The following SPHKAP variants were observed in gnomAD, a reference collection of about 807,000 sequenced individuals.
SPHKAP encodes the protein A-kinase anchor protein SPHKAP.
A neutral mutation model predicts 137.5 loss-of-function variants in SPHKAP; 67 were observed. The observed-to-expected ratio is 0.49, with a 90% CI of 0.40 to 0.60. The LOEUF is 0.60. SPHKAP is among the 20% of genes least tolerant of loss of function. The probability of loss-of-function intolerance (pLI) is 0.00; values close to 1 mark genes in which losing one functional copy is unlikely to be tolerated. For synonymous variants in SPHKAP, 813 were observed against 785.3 expected, an observed-to-expected ratio of 1.04 and a Z score of -0.59; for missense variants, 2,097 against 2,069.3, an observed-to-expected ratio of 1.01 and a Z score of -0.26.
chr2:228,160,846 A>G (rs530070289), intron 1 of SPHKAP, among the ~76,000 whole-genome samples: 2 of 152,320 alleles, frequency 1.3e-5, no homozygotes, highest in South Asian at 2.1e-4. Flanking sequence ...GGCCTTCCAA[A>G]TAAGATATTA....
chr2:228,051,706 A>G (rs150636312), intron 3 of SPHKAP, among the ~76,000 whole-genome samples: 3 of 152,342 alleles, frequency 2.0e-5, no homozygotes, highest in South Asian at 4.1e-4. Flanking sequence ...GCTATAACAC[A>G]ATACCTTACA....
intron 3 of SPHKAP, among the ~76,000 whole-genome samples, chr2:228,030,533 C>CAAAAAAAAAAAAAAAAAAAAAAA (rs1559356982): frequency 2.2e-5 from 1 of 45,640 alleles, no homozygotes; most frequent in African/African-American, 1.0e-4. Flanking sequence ...AAAAAAAAAA[C>CAAAAAAAAAAAAAAAAAAAAAAA]AACAAAAAAC....
intron 3 of SPHKAP, among the ~76,000 whole-genome samples, chr2:228,037,887 T>C (rs1483919147): frequency 6.6e-6 from 1 of 152,178 alleles, no homozygotes; most frequent in Non-Finnish European, 1.5e-5. Flanking sequence ...AAATAGACAA[T>C]GTGACTGGAT....
chr2:228,056,481 C>T (rs1696447863), intron 3 of SPHKAP, among the ~76,000 whole-genome samples: 1 of 152,084 alleles, frequency 6.6e-6, no homozygotes, highest in East Asian at 1.9e-4. Flanking sequence ...TACCTGCTTT[C>T]CCTAGGCACT....
At chr2:228,152,879 C>T (rs1193841014) in intron 1 of SPHKAP, among the ~76,000 whole-genome samples, 1 of 152,184 alleles carries the variant, frequency 6.6e-6, no homozygotes, top group Admixed American at 6.5e-5. Context: ...ACCCAAATCT[C>T]ATCTTGAATT....
intron 11 of SPHKAP, among the ~76,000 whole-genome samples, chr2:227,990,063 C>A (rs1693360091): frequency 1.3e-5 from 2 of 152,166 alleles, no homozygotes; most frequent in South Asian, 4.1e-4. Flanking sequence ...CTGCTGACAG[C>A]CAGCAGGGAA....
At chr2:228,157,668 G>A (rs549779682) in intron 1 of SPHKAP, among the ~76,000 whole-genome samples, 1 of 152,202 alleles carries the variant, frequency 6.6e-6, no homozygotes. Context: ...TGGTTTATGA[G>A]TATGGGGGTA....
intron 3 of SPHKAP, among the ~76,000 whole-genome samples, chr2:228,057,523 C>A (rs536707175): frequency 6.6e-6 from 1 of 151,716 alleles, no homozygotes; most frequent in Admixed American, 6.6e-5. Context: ...GGACACTGAA[C>A]GCAAAAAAGA....
intron 3 of SPHKAP, among the ~76,000 whole-genome samples, chr2:228,041,952 C>T (rs749512599): frequency 1.5e-4 from 23 of 151,930 alleles, no homozygotes; most frequent in Non-Finnish European, 2.9e-4. Flanking sequence ...CTTTACTAGT[C>T]GGCAGTCTTA....
chr2:228,033,154 C>T (rs945326302), intron 3 of SPHKAP, among the ~76,000 whole-genome samples: 2 of 152,014 alleles, frequency 1.3e-5, no homozygotes, highest in African/African-American at 2.4e-5. Context: ...CAGAGACACA[C>T]ATAGGCTCAA....
chr2:228,138,356 A>G lies in SPHKAP; in HGVS notation c.33-6271T>C, dbSNP rs539588041. Among the ~76,000 whole-genome samples the G allele has an allele frequency of 8.5e-5, 13 of 152,340 alleles. No individual in the cohort carries two copies. In the East Asian group the frequency reaches 2.5e-3, roughly 29 times the overall value. Reference sequence around the variant, plus strand: ...CACCGACAGCTCTCACTCCTGCTGCAATAACTTGCATAAAATCTGTTTTAA... The same window carrying G: ...CACCGACAGCTCTCACTCCTGCTGCGATAACTTGCATAAAATCTGTTTTAA... On this transcript the variant is annotated intron_variant, in intron 1 of 11. Coordinates refer to ENST00000392056, the MANE Select transcript of SPHKAP (RefSeq NM_001142644.2).
chr2:228,171,520 G>T (rs1419542515), intron 1 of SPHKAP, among the ~76,000 whole-genome samples: 1 of 152,008 alleles, frequency 6.6e-6, no homozygotes, highest in East Asian at 1.9e-4. Context: ...TTTAAGTTAG[G>T]GGTCACCTGT....
intron 3 of SPHKAP, among the ~76,000 whole-genome samples, chr2:228,032,425 G>A (rs1245437383): frequency 6.6e-6 from 1 of 152,142 alleles, no homozygotes; most frequent in African/African-American, 2.4e-5. Flanking sequence ...TGAAACTGAC[G>A]GGGAGAATGG....
intron 7 of SPHKAP, among the ~76,000 whole-genome samples, chr2:228,010,504 C>T (rs1016310930): frequency 1.3e-5 from 2 of 152,126 alleles, no homozygotes; most frequent in African/African-American, 2.4e-5. Context: ...TGCACTCTAG[C>T]CTGGGTGACA....
At chr2:228,177,628 T>G (rs1045827940) in intron 1 of SPHKAP, among the ~76,000 whole-genome samples, 2 of 152,202 alleles carry the variant, frequency 1.3e-5, no homozygotes, top group South Asian at 2.1e-4. Context: ...TGATGGAAGA[T>G]CATAGTCCAG....
intron 3 of SPHKAP, among the ~76,000 whole-genome samples, chr2:228,072,571 T>G (rs1415697313): frequency 6.6e-6 from 1 of 152,122 alleles, no homozygotes; most frequent in Non-Finnish European, 1.5e-5. Flanking sequence ...TTCCTTCCCC[T>G]TTTCTCTGGG....
chr2:228,165,500 T>G (rs1024540017), intron 1 of SPHKAP, among the ~76,000 whole-genome samples: 1 of 152,212 alleles, frequency 6.6e-6, no homozygotes, highest in South Asian at 2.1e-4. Context: ...TTTGGAAACA[T>G]AAAGACCTCT....
intron 3 of SPHKAP, among the ~76,000 whole-genome samples, chr2:228,099,600 A>G (rs1698118279): frequency 6.6e-6 from 1 of 152,190 alleles, no homozygotes; most frequent in Admixed American, 6.5e-5. Flanking sequence ...CACTGAATCT[A>G]TAGACTGCTT....
chr2:228,053,489 A>G (rs1242579381), intron 3 of SPHKAP, among the ~76,000 whole-genome samples: 4 of 152,086 alleles, frequency 2.6e-5, no homozygotes, highest in African/African-American at 9.7e-5. Flanking sequence ...GGCTTACAGC[A>G]TTCTTGGATC....
Sources: allele counts gnomAD v4.1 joint callset (sites outside exome capture counted in the v4.1 genomes callset), GRCh38; gene constraint gnomAD v4.1.1; transcripts MANE v1.5; gene names NCBI Gene and HGNC (gene_info 2026-07-23, HGNC 2026-07-21).